PTPRD: variants seen among roughly 807,000 people sequenced by gnomAD.
PTPRD encodes protein tyrosine phosphatase receptor type D, also known as receptor-type tyrosine-protein phosphatase delta.
A neutral mutation model predicts 214.5 loss-of-function variants in PTPRD; 34 were observed. The observed-to-expected ratio is 0.16, with a 90% CI of 0.12 to 0.21. The LOEUF is 0.21. PTPRD is among the 10% of genes least tolerant of loss of function. The probability of loss-of-function intolerance (pLI) is 1.00; values close to 1 mark genes in which losing one functional copy is unlikely to be tolerated. For missense variants in PTPRD, 2,545 were observed against 2,398.7 expected (o/e 1.06, Z -1.27); for synonymous variants, 1,128 against 845.7 (o/e 1.33, Z -5.79).
At chr9:9,018,020 G>A (rs1408824443) in intron 11 of PTPRD, among the ~76,000 whole-genome samples, 3 of 151,808 alleles carry the variant, frequency 2.0e-5, no homozygotes, top group Non-Finnish European at 4.4e-5. Flanking sequence ...TAATCTATTT[G>A]TTTACTCTAT....
At chr9:9,801,332 A>T (rs2099038549) in intron 5 of PTPRD, among the ~76,000 whole-genome samples, 1 of 88,292 alleles carries the variant, frequency 1.1e-5, no homozygotes, top group Non-Finnish European at 2.0e-5. Flanking sequence ...CAAGCTAAAG[A>T]GGATTAAAAA....
At chr9:9,039,349 T>C (rs1293457476) in intron 10 of PTPRD, among the ~76,000 whole-genome samples, 1 of 152,166 alleles carries the variant, frequency 6.6e-6, no homozygotes, top group Non-Finnish European at 1.5e-5. Flanking sequence ...AGAACCCAGG[T>C]ATGAAATCCA....
intron 11 of PTPRD, among the ~76,000 whole-genome samples, chr9:8,759,048 A>G (rs2154474228): frequency 6.9e-6 from 1 of 144,038 alleles, no homozygotes; most frequent in East Asian, 2.0e-4. Context: ...TTTTTTTTAG[A>G]AAGAGAGCAT....
At chr9:8,720,856 G>T (rs117910574) in intron 12 of PTPRD, among the ~76,000 whole-genome samples, 2 of 152,090 alleles carry the variant, frequency 1.3e-5, no homozygotes, top group African/African-American at 2.4e-5. Flanking sequence ...GATAACTCTG[G>T]ACCTGATGCC....
chr9:9,378,687 G>C (rs1057027480), intron 9 of PTPRD, among the ~76,000 whole-genome samples: 3 of 151,936 alleles, frequency 2.0e-5, no homozygotes, highest in Non-Finnish European at 4.4e-5. Context: ...GGTTTTGTCA[G>C]TGTTCTGGGA....
intron 10 of PTPRD, among the ~76,000 whole-genome samples, chr9:9,169,911 A>AGTCCT (rs1347803566): frequency 6.6e-6 from 1 of 152,132 alleles, no homozygotes; most frequent in Non-Finnish European, 1.5e-5. Flanking sequence ...TTTTAGGAAA[A>AGTCCT]GTCCTGTCCT....
intron 7 of PTPRD, among the ~76,000 whole-genome samples, chr9:9,666,383 T>C (rs1229956719): frequency 1.3e-5 from 2 of 151,944 alleles, no homozygotes; most frequent in East Asian, 3.9e-4. Context: ...ATGATCTTAT[T>C]TGTATAACTT....
intron 5 of PTPRD, among the ~76,000 whole-genome samples, chr9:9,888,758 G>T (rs112791231): frequency 1.1e-3 from 171 of 152,092 alleles, no homozygotes; most frequent in African/African-American, 4.0e-3. Context: ...TTTGTAAATT[G>T]CCCAGCCTCA....
At chr9:10,285,301 T>C (rs1404929963) in intron 3 of PTPRD, among the ~76,000 whole-genome samples, 1 of 152,100 alleles carries the variant, frequency 6.6e-6, no homozygotes, top group Admixed American at 6.5e-5. Context: ...AGAAAGAATA[T>C]CTACAAAACG....
chr9:9,036,935 G>A lies in PTPRD; in HGVS notation c.-142-18200C>T, dbSNP rs186081599. ...ATTTTCTCATAGTTCAATGAACTGG[G>A]ATGCTTCCAACTCTCCTTAAAAATG... On this transcript the variant is annotated intron_variant, in intron 10 of 45. Coordinates refer to ENST00000381196, the MANE Select transcript of PTPRD (RefSeq NM_002839.4). Among the ~76,000 whole-genome samples, 435 of 152,200 alleles carry A rather than the reference G, an allele frequency of 2.9e-3. 2 individuals are homozygous for A. Among genetic ancestry groups the A allele is most frequent in the Non-Finnish European group, 4.7e-3 (318 of 68,010 alleles).
chr9:9,377,700 G>T (rs573283976), intron 9 of PTPRD, among the ~76,000 whole-genome samples: 26 of 152,120 alleles, frequency 1.7e-4, no homozygotes, highest in African/African-American at 6.0e-4. Context: ...CTTAACAGTG[G>T]CCCAGTTAAG....
intron 5 of PTPRD, among the ~76,000 whole-genome samples, chr9:9,836,288 T>C (rs1474493365): frequency 1.3e-5 from 2 of 152,126 alleles, no homozygotes; most frequent in Non-Finnish European, 2.9e-5. Flanking sequence ...ACTTCCAGAA[T>C]GGAGGAAACT....
At chr9:8,614,681 T>A (rs1050708332) in intron 14 of PTPRD, among the ~76,000 whole-genome samples, 1 of 152,066 alleles carries the variant, frequency 6.6e-6, no homozygotes, top group Admixed American at 6.6e-5. Flanking sequence ...ATCTGGCACA[T>A]TGGGATCTTG....
At chr9:10,545,575 C>G (rs1376103485) in intron 2 of PTPRD, among the ~76,000 whole-genome samples, 1 of 151,996 alleles carries the variant, frequency 6.6e-6, no homozygotes, top group East Asian at 1.9e-4. Flanking sequence ...TCCTTCCATT[C>G]AAAGCATACC....
chr9:9,858,137 G>A (rs1599948455), intron 5 of PTPRD, among the ~76,000 whole-genome samples: 1 of 152,058 alleles, frequency 6.6e-6, no homozygotes, highest in East Asian at 1.9e-4. Context: ...AGAGCCACAG[G>A]CCCTGAATTA....
At chr9:9,552,210 C>T (rs561398650) in intron 8 of PTPRD, among the ~76,000 whole-genome samples, 2 of 152,020 alleles carry the variant, frequency 1.3e-5, no homozygotes, top group Admixed American at 6.6e-5. Flanking sequence ...AAAATCCATG[C>T]CATTTCCATT....
At chr9:8,766,773 T>C (rs1013562495) in intron 11 of PTPRD, among the ~76,000 whole-genome samples, 2 of 152,228 alleles carry the variant, frequency 1.3e-5, no homozygotes, top group Admixed American at 1.3e-4. Flanking sequence ...TTCTTAAATG[T>C]ATATAAAGCT....
chr9:10,136,427 C>G (rs1228511549), intron 3 of PTPRD, among the ~76,000 whole-genome samples: 1 of 152,080 alleles, frequency 6.6e-6, no homozygotes, highest in East Asian at 1.9e-4. Flanking sequence ...CCGCAAAGTA[C>G]ACAGTCTTTT....
intron 11 of PTPRD, among the ~76,000 whole-genome samples, chr9:8,757,253 T>A (rs76643364): frequency 6.6e-6 from 1 of 152,212 alleles, no homozygotes; most frequent in East Asian, 1.9e-4. Flanking sequence ...ATGCCTCTAA[T>A]AAATTTGCTT....
Sources: gnomAD v4.1 joint callset for allele counts (sites outside exome capture counted in the v4.1 genomes callset) on GRCh38, gnomAD v4.1.1 for gene constraint, MANE v1.5 for transcripts, NCBI Gene and HGNC (gene_info 2026-07-23, HGNC 2026-07-21) for gene names.